Variants in METTL15 observed in about 807,000 individuals in gnomAD.
METTL15 encodes the protein methyltransferase 15, mitochondrial 12S rRNA N4-cytidine, also known as 12S rRNA N(4)-cytidine methyltransferase METTL15.
Under a neutral mutation model 38.3 loss-of-function variants are expected in METTL15, and 34 were observed. That is an observed-to-expected ratio of 0.89 (90% CI 0.68 to 1.18). The LOEUF is 1.18. Ranked by LOEUF, METTL15 falls within the 50% of genes most tolerant of loss-of-function variation. The pLI is 0.00. For missense variants in METTL15, 438 were observed against 498.4 expected, an observed-to-expected ratio of 0.88 and a Z score of 1.15; for synonymous variants, 162 against 170.9, an observed-to-expected ratio of 0.95 and a Z score of 0.41.
At chr11:28,202,191 G>A (rs949061491) in intron 3 of METTL15, among the ~76,000 whole-genome samples, 3 of 151,914 alleles carry the variant, frequency 2.0e-5, no homozygotes, top group Non-Finnish European at 4.4e-5. Context: ...TAAAGCATGG[G>A]AATATGGGGG....
intron 6 of METTL15, among the ~76,000 whole-genome samples, chr11:28,467,315 A>G (rs528598516): frequency 1.3e-5 from 2 of 152,274 alleles, no homozygotes; most frequent in Admixed American, 6.5e-5. Context: ...TTTCAGTAAC[A>G]TTTTTATTCT....
At chr11:28,116,533 C>A (rs1287510846) in intron 3 of METTL15, among the ~76,000 whole-genome samples, 1 of 152,198 alleles carries the variant, frequency 6.6e-6, no homozygotes, top group Non-Finnish European at 1.5e-5. Context: ...TGCATGTGTG[C>A]ACACACCCAG....
At chr11:28,375,966 G>A (rs1160624640) in intron 5 of METTL15, among the ~76,000 whole-genome samples, 1 of 152,122 alleles carries the variant, frequency 6.6e-6, no homozygotes, top group Non-Finnish European at 1.5e-5. Flanking sequence ...TTTCCATGTA[G>A]TTGAGTGGTT....
intron 4 of METTL15, among the ~76,000 whole-genome samples, chr11:28,238,014 C>G (rs1432430072): frequency 6.6e-6 from 1 of 152,180 alleles, no homozygotes; most frequent in African/African-American, 2.4e-5. Context: ...TCTGCCCCTG[C>G]TGGAGGGTGC....
chr11:28,484,659 C>G (rs1053590314), intron 6 of METTL15, among the ~76,000 whole-genome samples: 35 of 152,088 alleles, frequency 2.3e-4, no homozygotes, highest in African/African-American at 8.2e-4. Flanking sequence ...TCAAAACATC[C>G]TAGGTGCTCT....
intron 6 of METTL15, among the ~76,000 whole-genome samples, chr11:28,313,830 G>A (rs984200114): frequency 2.0e-5 from 3 of 151,844 alleles, no homozygotes; most frequent in Admixed American, 6.6e-5. Context: ...AATAATTTGG[G>A]CATATTTAAG....
At chr11:28,236,538 G>T (rs1011557143) in intron 4 of METTL15, among the ~76,000 whole-genome samples, 2 of 152,212 alleles carry the variant, frequency 1.3e-5, no homozygotes, top group Admixed American at 6.5e-5. Flanking sequence ...AGTCTTGGGA[G>T]AGTGTATGTG....
intron 4 of METTL15, among the ~76,000 whole-genome samples, chr11:28,255,740 G>C (rs961922705): frequency 6.6e-6 from 1 of 152,178 alleles, no homozygotes; most frequent in Admixed American, 6.5e-5. Flanking sequence ...TTTCGCTCTT[G>C]TTGCCCAGGC....
intron 5 of METTL15, among the ~76,000 whole-genome samples, chr11:28,393,109 C>T (rs185126057): frequency 6.6e-6 from 1 of 152,110 alleles, no homozygotes; most frequent in East Asian, 1.9e-4. Flanking sequence ...TGGAAAACAG[C>T]CTGGAAGTTT....
intron 6 of METTL15, among the ~76,000 whole-genome samples, chr11:28,499,129 C>A (rs1260999141): frequency 6.6e-6 from 1 of 152,188 alleles, no homozygotes; most frequent in Non-Finnish European, 1.5e-5. Flanking sequence ...TACCTTGCCT[C>A]AGATTCAGGG....
chr11:28,137,584 G>T (rs545723252), intron 3 of METTL15, among the ~76,000 whole-genome samples: 10 of 152,252 alleles, frequency 6.6e-5, no homozygotes, highest in African/African-American at 2.4e-4. Flanking sequence ...TTATCAAATT[G>T]TAAAGCAGGC....
intron 3 of METTL15, among the ~76,000 whole-genome samples, chr11:28,196,858 G>T (rs1415914419): frequency 6.6e-6 from 1 of 151,796 alleles, no homozygotes; most frequent in Non-Finnish European, 1.5e-5. Flanking sequence ...ATAAGTCAGG[G>T]TACCAATATA....
chr11:28,507,077 C>T (rs1296415932), intron 6 of METTL15, among the ~76,000 whole-genome samples: 3 of 152,048 alleles, frequency 2.0e-5, no homozygotes, highest in African/African-American at 4.8e-5. Context: ...TTTCAGCAGC[C>T]GTTACCAATC....
intron 6 of METTL15, among the ~76,000 whole-genome samples, chr11:28,524,152 A>G (rs1255547549): frequency 2.0e-5 from 3 of 152,248 alleles, no homozygotes; most frequent in African/African-American, 7.2e-5. Flanking sequence ...TAAATCCAGA[A>G]ATAACTGGAT....
intron 4 of METTL15, among the ~76,000 whole-genome samples, chr11:28,226,039 A>G (rs1396020884): frequency 6.6e-6 from 1 of 151,826 alleles, no homozygotes; most frequent in Non-Finnish European, 1.5e-5. Flanking sequence ...TTCTTATATA[A>G]TATTTTCTTA....
chr11:28,193,803 C>G (rs1254063263), intron 3 of METTL15, among the ~76,000 whole-genome samples: 1 of 152,038 alleles, frequency 6.6e-6, no homozygotes, highest in Non-Finnish European at 1.5e-5. Context: ...TCATTTCATT[C>G]AAATTATATC....
intron 6 of METTL15, among the ~76,000 whole-genome samples, chr11:28,297,743 T>A (rs1369983874): frequency 6.6e-6 from 1 of 152,176 alleles, no homozygotes; most frequent in African/African-American, 2.4e-5. Context: ...TGAAACCCTG[T>A]ATCATTTTTA....
At chr11:28,239,888 A>T (rs1372472053) in intron 4 of METTL15, among the ~76,000 whole-genome samples, 1 of 152,202 alleles carries the variant, frequency 6.6e-6, no homozygotes, top group East Asian at 1.9e-4. Context: ...CATAGTACAT[A>T]TTTATTTTAA....
At chr11:28,241,850 G>A (rs925708006) in intron 4 of METTL15, among the ~76,000 whole-genome samples, 1 of 152,186 alleles carries the variant, frequency 6.6e-6, no homozygotes, top group Admixed American at 6.5e-5. Flanking sequence ...AAGAGATGAT[G>A]TCAGAAGGCT....
Sources: gnomAD v4.1 joint callset for allele counts (sites outside exome capture counted in the v4.1 genomes callset) on GRCh38, gnomAD v4.1.1 for gene constraint, MANE v1.5 for transcripts, NCBI Gene and HGNC (gene_info 2026-07-23, HGNC 2026-07-21) for gene names.